Variants in SLC24A3 observed in about 807,000 individuals in gnomAD.
The protein encoded by SLC24A3 is sodium/potassium/calcium exchanger 3.
Under a neutral mutation model 75.8 loss-of-function variants are expected in SLC24A3, and 28 were observed. That is an observed-to-expected ratio of 0.37 (90% CI 0.27 to 0.51). The LOEUF (loss-of-function observed/expected upper bound fraction) is 0.51, where lower values mean the gene tolerates loss of function less well. SLC24A3 is among the 20% of genes least tolerant of loss of function. SLC24A3 has a pLI of 0.94. For missense variants in SLC24A3, 663 were observed against 847.8 expected, an observed-to-expected ratio of 0.78 and a Z score of 2.71; for synonymous variants, 372 against 334.1, an observed-to-expected ratio of 1.11 and a Z score of -1.24.
chr20:19,593,677 A>G (rs6046202), intron 6 of SLC24A3, among the ~76,000 whole-genome samples: 4,951 of 152,246 alleles, frequency 0.033, 274 homozygotes, highest in African/African-American at 0.11. Context: ...AAAGCAGGGT[A>G]ACTGCTTCCT....
intron 11 of SLC24A3, 137 bp downstream of exon 11, chr20:19,684,473 C>G: frequency 9.8e-7 from 1 of 1,019,992 alleles, no homozygotes. Context: ...ATTTCCTAAT[C>G]TTAGTTCCCT....
At chr20:19,570,732 T>C (rs1049262052) in intron 3 of SLC24A3, among the ~76,000 whole-genome samples, 5 of 152,190 alleles carry the variant, frequency 3.3e-5, no homozygotes, top group Non-Finnish European at 7.4e-5. Context: ...GAAAGATCTG[T>C]GACTTCTGCT....
chr20:19,683,794 A>C (rs1189063646), intron 10 of SLC24A3, among the ~76,000 whole-genome samples: 19 of 152,212 alleles, frequency 1.2e-4, no homozygotes, highest in Non-Finnish European at 1.5e-5. Context: ...ATGAGGCTTA[A>C]ATTGTTTCAA....
intron 15 of SLC24A3, among the ~76,000 whole-genome samples, chr20:19,715,015 A>G (rs373063978): frequency 3.0e-4 from 46 of 152,338 alleles, no homozygotes; most frequent in African/African-American, 1.1e-3. Context: ...AGATATCTGT[A>G]TGCGCAGTGC....
chr20:19,258,185 T>A (rs1982872650), intron 1 of SLC24A3, among the ~76,000 whole-genome samples: 2 of 152,226 alleles, frequency 1.3e-5, no homozygotes, highest in African/African-American at 4.8e-5. Context: ...GAGGCCCAGC[T>A]GCAAGCTCCT....
chr20:19,623,127 T>G (rs1399503432), intron 6 of SLC24A3, among the ~76,000 whole-genome samples: 1 of 152,192 alleles, frequency 6.6e-6, no homozygotes, highest in African/African-American at 2.4e-5. Context: ...CTGTTTTTTG[T>G]TTTTTGCTTG....
chr20:19,652,134 T>G (rs944604126), intron 6 of SLC24A3, among the ~76,000 whole-genome samples: 2 of 152,262 alleles, frequency 1.3e-5, no homozygotes, highest in Non-Finnish European at 2.9e-5. Flanking sequence ...ATTATTCTTC[T>G]GCTTTCCAGC....
intron 2 of SLC24A3, among the ~76,000 whole-genome samples, chr20:19,377,450 C>T (rs1005541520): frequency 2.6e-5 from 4 of 152,114 alleles, no homozygotes; most frequent in African/African-American, 9.7e-5. Flanking sequence ...GACCTCAAGA[C>T]CCATTCTGCA....
At chr20:19,680,002 CTG>C (rs1406855159) in intron 9 of SLC24A3, among the ~76,000 whole-genome samples, 1 of 141,830 alleles carries the variant, frequency 7.1e-6, no homozygotes, top group East Asian at 2.2e-4. Flanking sequence ...GCCTCTGTGT[CTG>C]TGTGTTGTCT....
chr20:19,490,060 C>T (rs1388430965), intron 2 of SLC24A3, among the ~76,000 whole-genome samples: 1 of 152,122 alleles, frequency 6.6e-6, no homozygotes, highest in African/African-American at 2.4e-5. Context: ...TGTAAACTTC[C>T]AAATACTCCC....
intron 2 of SLC24A3, among the ~76,000 whole-genome samples, chr20:19,455,232 G>A (rs1987558415): frequency 1.3e-5 from 2 of 152,356 alleles, no homozygotes; most frequent in South Asian, 4.1e-4. Context: ...TCTACAGAAA[G>A]TGAACAATTT....
intron 15 of SLC24A3, among the ~76,000 whole-genome samples, chr20:19,704,325 T>C (rs2032904757): frequency 6.6e-6 from 1 of 152,204 alleles, no homozygotes; most frequent in African/African-American, 2.4e-5. Flanking sequence ...GCATCTACTC[T>C]GCACCAGGCA....
intron 2 of SLC24A3, among the ~76,000 whole-genome samples, chr20:19,422,235 T>C (rs1986929472): frequency 6.6e-6 from 1 of 152,072 alleles, no homozygotes; most frequent in Non-Finnish European, 1.5e-5. Context: ...AACCAGACCA[T>C]CTTGGCCACA....
intron 6 of SLC24A3, among the ~76,000 whole-genome samples, chr20:19,651,280 A>G (rs752218359): frequency 4.5e-4 from 68 of 150,388 alleles, no homozygotes; most frequent in African/African-American, 1.5e-3. Context: ...TAGAATTTCA[A>G]TTGTTTTCCT....
intron 2 of SLC24A3, among the ~76,000 whole-genome samples, chr20:19,339,273 T>A (rs1229646109): frequency 6.6e-6 from 1 of 152,200 alleles, no homozygotes; most frequent in Non-Finnish European, 1.5e-5. Context: ...GGAGGGCAGT[T>A]ATTTTTTAGG....
intron 6 of SLC24A3, among the ~76,000 whole-genome samples, chr20:19,593,800 G>A (rs1378456981): frequency 6.6e-6 from 1 of 152,190 alleles, no homozygotes; most frequent in Non-Finnish European, 1.5e-5. Context: ...TTATCACCAT[G>A]CAACCCACTT....
chr20:19,665,558 A>G (rs1025912000), intron 7 of SLC24A3, among the ~76,000 whole-genome samples: 12 of 152,198 alleles, frequency 7.9e-5, no homozygotes, highest in Admixed American at 5.9e-4. Context: ...GGTTAGTCAC[A>G]CTTCCCTGTC....
chr20:19,354,852 G>A (rs1012603942), intron 2 of SLC24A3, among the ~76,000 whole-genome samples: 3 of 152,112 alleles, frequency 2.0e-5, no homozygotes, highest in African/African-American at 7.2e-5. Flanking sequence ...TTGGAAAACA[G>A]TTTGGAATTC....
chr20:19,442,297 A>G (rs538751566), intron 2 of SLC24A3, among the ~76,000 whole-genome samples: 2 of 152,192 alleles, frequency 1.3e-5, no homozygotes, highest in Non-Finnish European at 2.9e-5. Flanking sequence ...CTATCTTCCA[A>G]TATGGCTGTA....
Sources: gnomAD v4.1 joint callset for allele counts (sites outside exome capture counted in the v4.1 genomes callset) on GRCh38, gnomAD v4.1.1 for gene constraint, MANE v1.5 for transcripts, NCBI Gene and HGNC (gene_info 2026-07-23, HGNC 2026-07-21) for gene names.